PXDNL: variants seen among roughly 807,000 people sequenced by gnomAD.
PXDNL encodes probable oxidoreductase PXDNL.
A neutral mutation model predicts 150.8 loss-of-function variants in PXDNL; 145 were observed. That is an observed-to-expected ratio of 0.96 (90% CI 0.84 to 1.10). The LOEUF is 1.10. Among genes scored for constraint, PXDNL ranks in the 50% least tolerant of loss-of-function variants. The probability of loss-of-function intolerance (pLI) is 0.00; values close to 1 mark genes in which losing one functional copy is unlikely to be tolerated. For missense variants in PXDNL, 2,087 were observed against 1,873.9 expected, an observed-to-expected ratio of 1.11 and a Z score of -2.10; for synonymous variants, 757 against 725.7, an observed-to-expected ratio of 1.04 and a Z score of -0.69.
chr8:51,479,820 T>C (rs1307177232), intron 6 of PXDNL, among the ~76,000 whole-genome samples: 17 of 152,196 alleles, frequency 1.1e-4, no homozygotes, highest in Non-Finnish European at 2.9e-5. Flanking sequence ...CACTATGTTA[T>C]ATATCCATGT....
intron 4 of PXDNL, among the ~76,000 whole-genome samples, chr8:51,553,217 G>A (rs1673756012): frequency 6.6e-6 from 1 of 152,164 alleles, no homozygotes; most frequent in Non-Finnish European, 1.5e-5. Context: ...AAGCTCTCGT[G>A]GGTTGAAGTC....
At chr8:51,749,307 C>T (rs2037017596) in intron 1 of PXDNL, among the ~76,000 whole-genome samples, 1 of 152,110 alleles carries the variant, frequency 6.6e-6, no homozygotes, top group Admixed American at 6.6e-5. Context: ...AGAAATATGT[C>T]CTTAGAAGAT....
intron 2 of PXDNL, among the ~76,000 whole-genome samples, chr8:51,611,872 C>A (rs751708173): frequency 5.3e-5 from 8 of 152,150 alleles, no homozygotes; most frequent in Non-Finnish European, 8.8e-5. Context: ...GTAGGAGGAG[C>A]GAGGCCAGGA....
At chr8:51,486,382 A>G (rs34524511) in intron 5 of PXDNL, among the ~76,000 whole-genome samples, 30,043 of 151,902 alleles carry the variant, frequency 0.2, 3,231 homozygotes, top group African/African-American at 0.26. Flanking sequence ...TGATTCCCAA[A>G]TCAGATATTA....
intron 1 of PXDNL, among the ~76,000 whole-genome samples, chr8:51,740,678 T>G (rs575326354): frequency 1.3e-5 from 2 of 149,692 alleles, no homozygotes; most frequent in African/African-American, 2.5e-5. Flanking sequence ...AATGGGGTTG[T>G]TTTTTTTTCT....
chr8:51,619,070 G>A lies in PXDNL; in HGVS notation c.237-26372C>T, dbSNP rs553966489. On this transcript the variant is annotated intron_variant, in intron 2 of 22. Transcript: ENST00000356297. ...AGTGATAGCCTCCAAACTAGCCTCA[G>A]AAGCAAAGTCTCTCTCTGACCTGCT... 1.6e-3 allele frequency among the ~76,000 whole-genome samples: 242 copies of A among 152,248 alleles called. 1 individual carries two copies. The highest frequency in any genetic ancestry group is 6.8e-3 in the Middle Eastern group (2 of 294).
intron 1 of PXDNL, among the ~76,000 whole-genome samples, chr8:51,683,091 CCATTTTG>C (rs796247192): frequency 2.7e-5 from 4 of 147,292 alleles, no homozygotes; most frequent in African/African-American, 1.0e-4. Context: ...GGTGGCTGCA[CCATTTTG>C]CATTCCTACC....
At chr8:51,456,117 C>G (rs1294025607) in intron 9 of PXDNL, among the ~76,000 whole-genome samples, 1 of 152,096 alleles carries the variant, frequency 6.6e-6, no homozygotes, top group Non-Finnish European at 1.5e-5. Flanking sequence ...CTTACCATGC[C>G]CTCCTGTTTG....
At chr8:51,536,010 T>C (rs1422942371) in intron 4 of PXDNL, among the ~76,000 whole-genome samples, 2 of 152,112 alleles carry the variant, frequency 1.3e-5, no homozygotes, top group Non-Finnish European at 2.9e-5. Context: ...ATGGAACAAG[T>C]GATTAAGTTC....
chr8:51,775,487 C>T (rs112581822), intron 1 of PXDNL, among the ~76,000 whole-genome samples: 6,494 of 152,120 alleles, frequency 0.043, 456 homozygotes, highest in African/African-American at 0.14. Flanking sequence ...GGACCTTGAA[C>T]GGAGGGACTA....
intron 1 of PXDNL, among the ~76,000 whole-genome samples, chr8:51,706,293 C>G (rs1816376628): frequency 6.6e-6 from 1 of 151,548 alleles, no homozygotes; most frequent in African/African-American, 2.4e-5. Flanking sequence ...GCACTCCAGG[C>G]TGGGTGATAA....
intron 1 of PXDNL, among the ~76,000 whole-genome samples, chr8:51,790,325 T>C (rs1040159688): frequency 6.6e-6 from 1 of 152,172 alleles, no homozygotes; most frequent in Non-Finnish European, 1.5e-5. Flanking sequence ...AAGTGTGGGA[T>C]TTCCTCCACC....
chr8:51,606,117 T>C (rs16916587), intron 2 of PXDNL, among the ~76,000 whole-genome samples: 3,696 of 152,320 alleles, frequency 0.024, 165 homozygotes, highest in African/African-American at 0.084. Flanking sequence ...AGATTGTGAA[T>C]TGTGATAAGA....
chr8:51,756,527 A>C (rs1358061020), intron 1 of PXDNL, among the ~76,000 whole-genome samples: 1 of 152,168 alleles, frequency 6.6e-6, no homozygotes, highest in Admixed American at 6.5e-5. Flanking sequence ...AAGACATCTC[A>C]GTATATAATG....
intron 4 of PXDNL, among the ~76,000 whole-genome samples, chr8:51,533,482 TCCCTCCCCCTCC>T (rs1156419011): frequency 8.5e-6 from 1 of 117,774 alleles, no homozygotes; most frequent in Admixed American, 8.1e-5. Context: ...AGAAGACCTC[TCCCTCCCCCTCC>T]CCCTCCCCCT....
chr8:51,453,838 T>C, intron 9 of PXDNL, 53 bp from the exon 10 acceptor site: 2 of 1,582,104 alleles, frequency 1.3e-6, no homozygotes, highest in Non-Finnish European at 1.7e-6. Flanking sequence ...GTTAGGAAGA[T>C]TTATTTATTC....
At chr8:51,484,195 G>C (rs899404107) in intron 5 of PXDNL, among the ~76,000 whole-genome samples, 5 of 151,992 alleles carry the variant, frequency 3.3e-5, no homozygotes, top group Admixed American at 2.6e-4. Context: ...CCAGCACTTT[G>C]GGAGGCCAAG....
chr8:51,381,526 T>C (rs1319091161), intron 17 of PXDNL, among the ~76,000 whole-genome samples: 1 of 152,230 alleles, frequency 6.6e-6, no homozygotes, highest in East Asian at 1.9e-4. Context: ...CAGTATCTGC[T>C]AATATGGTAA....
intron 3 of PXDNL, among the ~76,000 whole-genome samples, chr8:51,571,033 C>T (rs1812926508): frequency 6.6e-6 from 1 of 151,462 alleles, no homozygotes; most frequent in East Asian, 2.0e-4. Context: ...TTCCAAAGAT[C>T]TTAAACAGTA....
Sources: gnomAD v4.1 joint callset for allele counts (sites outside exome capture counted in the v4.1 genomes callset) on GRCh38, gnomAD v4.1.1 for gene constraint, MANE v1.5 for transcripts, NCBI Gene and HGNC (gene_info 2026-07-23, HGNC 2026-07-21) for gene names.